The following PPP1R21 variants were observed in gnomAD, a reference collection of about 807,000 sequenced individuals.
PPP1R21 encodes protein phosphatase 1 regulatory subunit 21.
PPP1R21 carries 85 observed loss-of-function variants against 112.8 expected under a neutral mutation model. The ratio of observed to expected loss-of-function variants is 0.75; its 90% CI spans 0.63 to 0.90. The LOEUF (loss-of-function observed/expected upper bound fraction) is 0.90, where lower values mean the gene tolerates loss of function less well. Ranked by LOEUF, PPP1R21 falls within the 40% of genes least tolerant of loss-of-function variation. PPP1R21 has a pLI of 0.00. For synonymous variants in PPP1R21, 381 were observed against 322.3 expected, an observed-to-expected ratio of 1.18 and a Z score of -1.95; for missense variants, 1,199 against 901.5, an observed-to-expected ratio of 1.33 and a Z score of -4.23.
chr2:48,512,513 G>C (rs1670689120), intron 21 of PPP1R21, among the ~76,000 whole-genome samples: 1 of 147,276 alleles, frequency 6.8e-6, no homozygotes, highest in Non-Finnish European at 1.5e-5. Context: ...TGTGTATACT[G>C]GGGAGAAATA....
intron 16 of PPP1R21, among the ~76,000 whole-genome samples, chr2:48,497,366 C>T (rs6754163): frequency 6.6e-6 from 1 of 152,202 alleles, no homozygotes. Flanking sequence ...AAAGGTTTAC[C>T]TTAAAAATTA....
chr2:48,481,977 A>T (rs957471786), intron 13 of PPP1R21, among the ~76,000 whole-genome samples: 3 of 152,252 alleles, frequency 2.0e-5, no homozygotes, highest in Non-Finnish European at 2.9e-5. Flanking sequence ...TATATGAAAC[A>T]TAAATGAATT....
intron 12 of PPP1R21, 47 bp downstream of exon 12, chr2:48,474,866 A>G: frequency 1.9e-6 from 3 of 1,550,582 alleles, no homozygotes; most frequent in Non-Finnish European, 2.6e-6. Flanking sequence ...ACTTAAGAGT[A>G]CAAGAAGCTG....
intron 1 of PPP1R21, among the ~76,000 whole-genome samples, chr2:48,446,465 A>G (rs1177704530): frequency 6.6e-6 from 1 of 152,208 alleles, no homozygotes; most frequent in Non-Finnish European, 1.5e-5. Context: ...GGTGTCCAAT[A>G]GGATCATGAG....
intron 1 of PPP1R21, among the ~76,000 whole-genome samples, chr2:48,448,076 A>G (rs146567825): frequency 5.9e-5 from 9 of 152,352 alleles, no homozygotes; most frequent in African/African-American, 2.2e-4. Context: ...TGAAATGCAG[A>G]AAAACATCAA....
intron 1 of PPP1R21, among the ~76,000 whole-genome samples, chr2:48,449,941 A>G (rs1193473740): frequency 3.3e-5 from 5 of 152,194 alleles, no homozygotes; most frequent in Non-Finnish European, 5.9e-5. Flanking sequence ...CTCTTCACTG[A>G]GAATACTTTC....
intron 19 of PPP1R21, among the ~76,000 whole-genome samples, chr2:48,507,941 T>C (rs1306200298): frequency 2.0e-5 from 3 of 151,402 alleles, no homozygotes; most frequent in Non-Finnish European, 4.4e-5. Context: ...AATTTTTGTA[T>C]TTTTGTAGAG....
In PPP1R21 at chr2:48,464,975, A is replaced by C; in HGVS notation, c.733A>C (p.Asn245His). ...QYNALNVPLH[N>H]RRHQLKMRDI... ...CAACGCTCTGAACGTTCCACTCCAC[A>C]ATAGGAGACACCAGGTAAAGGATGA... Residue 245 changes from asparagine to histidine, a missense_variant, in exon 8 of 22, where the codon AAT (asparagine) becomes CAT (histidine). Coordinates refer to ENST00000294952, the MANE Select transcript of PPP1R21 (RefSeq NM_001135629.3). The C allele has an allele frequency of 6.4e-7, 1 of 1,558,748 alleles. No individual in the cohort carries two copies. The highest frequency in any genetic ancestry group is 8.6e-7 in the Non-Finnish European group (1 of 1,162,758).
chr2:48,486,296 A>AT (rs1669293604), intron 13 of PPP1R21, among the ~76,000 whole-genome samples: 2 of 152,294 alleles, frequency 1.3e-5, no homozygotes, highest in South Asian at 4.1e-4. Context: ...CTGTTACACT[A>AT]TCAAAACAGT....
intron 21 of PPP1R21, 21 bp downstream of exon 21, chr2:48,511,489 T>A: frequency 1.3e-6 from 2 of 1,585,516 alleles, no homozygotes; most frequent in Non-Finnish European, 1.7e-6. Flanking sequence ...TGAGGTGAGG[T>A]AGTCTCTCTG....
intron 9 of PPP1R21, among the ~76,000 whole-genome samples, chr2:48,466,443 T>C (rs1277294277): frequency 6.6e-6 from 1 of 151,940 alleles, no homozygotes; most frequent in African/African-American, 2.4e-5. Context: ...GCCAGGCTGG[T>C]CTTGAACTCC....
chr2:48,447,097 A>G (rs1404244123), intron 1 of PPP1R21, among the ~76,000 whole-genome samples: 5 of 152,220 alleles, frequency 3.3e-5, no homozygotes, highest in Non-Finnish European at 1.5e-5. Flanking sequence ...TACTGTTTTT[A>G]GAAGCAAAAT....
intron 9 of PPP1R21, among the ~76,000 whole-genome samples, chr2:48,466,215 T>G (rs191119641): frequency 1.3e-5 from 2 of 151,910 alleles, no homozygotes; most frequent in Non-Finnish European, 2.9e-5. Flanking sequence ...GGAGGTTTTT[T>G]TTTTTTCTTT....
intron 11 of PPP1R21, among the ~76,000 whole-genome samples, chr2:48,472,935 T>TA (rs200007821): frequency 0.17 from 21,318 of 125,102 alleles, 2,241 homozygotes; most frequent in East Asian, 0.49. Context: ...CCCTGCCTCT[T>TA]AAAAAAAAAA....
chr2:48,441,036 G>C lies in PPP1R21; in HGVS notation c.57+26G>C, dbSNP rs368368219. 3.2e-6 allele frequency: 5 copies of C among 1,554,996 alleles called. No homozygotes were observed. The African/African-American group carries it at 4.1e-5, about 13-fold the overall frequency. On this transcript the variant is annotated intron_variant, in intron 1 of 21. Coordinates refer to ENST00000294952, the MANE Select transcript of PPP1R21 (RefSeq NM_001135629.3). ...GTACCCATCGTGGTCTGGGAGTAGG[G>C]GGTCCCCCGCCCTGCGGCCTCAGGT... is the stretch of plus-strand genomic sequence containing the variant.
chr2:48,485,017 T>A (rs1572871710), intron 13 of PPP1R21, among the ~76,000 whole-genome samples: 1 of 16,476 alleles, frequency 6.1e-5, no homozygotes, highest in Non-Finnish European at 2.9e-4. Context: ...AAATGTCTGT[T>A]AGGGATGAGC....
chr2:48,453,045 C>T (rs918918305), intron 2 of PPP1R21, among the ~76,000 whole-genome samples: 2 of 151,900 alleles, frequency 1.3e-5, no homozygotes, highest in Non-Finnish European at 2.9e-5. Flanking sequence ...CCTCTGCCTC[C>T]CTGGTTTGAG....
chr2:48,454,823 C>T, intron 3 of PPP1R21, 82 bp downstream of exon 3: 1 of 1,031,480 alleles, frequency 9.7e-7, no homozygotes, highest in Non-Finnish European at 1.5e-6. Flanking sequence ...TAACAGAAGA[C>T]CCCACTGCCG....
chr2:48,486,056 C>G (rs1302673213), intron 13 of PPP1R21, among the ~76,000 whole-genome samples: 2 of 151,060 alleles, frequency 1.3e-5, no homozygotes, highest in South Asian at 2.1e-4. Context: ...TTCCTAACCA[C>G]AGGCCTTTAT....
Sources: gnomAD v4.1 joint callset for allele counts (sites outside exome capture counted in the v4.1 genomes callset) on GRCh38, gnomAD v4.1.1 for gene constraint, MANE v1.5 for transcripts, NCBI Gene and HGNC (gene_info 2026-07-23, HGNC 2026-07-21) for gene names.